STK3: variants seen among roughly 807,000 people sequenced by gnomAD.
STK3 encodes the protein serine/threonine kinase 3, also known as serine/threonine-protein kinase 3.
A neutral mutation model predicts 58.0 loss-of-function variants in STK3; 41 were observed. The ratio of observed to expected loss-of-function variants is 0.71; its 90% CI spans 0.55 to 0.92. STK3 has a LOEUF of 0.92. STK3 is among the 40% of genes least tolerant of loss of function. The pLI, the probability that STK3 is intolerant of heterozygous loss-of-function variation, is 0.00. For missense variants in STK3, 479 were observed against 602.7 expected, an observed-to-expected ratio of 0.79 and a Z score of 2.15; for synonymous variants, 170 against 191.0, an observed-to-expected ratio of 0.89 and a Z score of 0.91.
the STK3 span, among the ~76,000 whole-genome samples, chr8:98,346,752 A>G: frequency 6.6e-6 from 1 of 151,880 alleles, no homozygotes; most frequent in Admixed American, 6.6e-5. Context: ...TTCAGACACA[A>G]AAATCTGAAA....
intron 3 of STK3, among the ~76,000 whole-genome samples, chr8:98,401,965 A>T (rs1817947999): frequency 6.6e-6 from 1 of 152,216 alleles, no homozygotes; most frequent in Non-Finnish European, 1.5e-5. Context: ...AAAAGAAGAA[A>T]GTAAAAATTA....
intron 1 of STK3, among the ~76,000 whole-genome samples, chr8:98,440,976 T>C (rs11986338): frequency 0.93 from 141,678 of 152,260 alleles, 66,014 homozygotes; most frequent in Non-Finnish European, 0.95. Flanking sequence ...TTACCAGGTG[T>C]GGTTTATATA....
chr8:98,772,524 C>T (rs1428574997), intron 2 of STK3, among the ~76,000 whole-genome samples: 2 of 151,926 alleles, frequency 1.3e-5, no homozygotes, highest in Non-Finnish European at 2.9e-5. Flanking sequence ...CATTGTGAAA[C>T]CTCATCTCTA....
At chr8:98,834,261 A>G (rs951304952) in intron 3 of STK3, among the ~76,000 whole-genome samples, 2 of 152,162 alleles carry the variant, frequency 1.3e-5, no homozygotes, top group African/African-American at 2.4e-5. Flanking sequence ...TTAAAATTCT[A>G]CTTATAACTG....
intron 10 of STK3, among the ~76,000 whole-genome samples, chr8:98,471,009 T>C (rs1258733865): frequency 6.6e-6 from 1 of 152,174 alleles, no homozygotes; most frequent in African/African-American, 2.4e-5. Context: ...GCCTTCTGAA[T>C]AGGCAGGTGG....
chr8:98,481,274 G>A (rs1221231423), intron 10 of STK3, among the ~76,000 whole-genome samples: 3 of 151,952 alleles, frequency 2.0e-5, no homozygotes, highest in Non-Finnish European at 4.4e-5. Flanking sequence ...TACCCTAGAT[G>A]TTTAATAAAA....
chr8:98,815,246 G>A (rs1035142129), intron 1 of STK3, among the ~76,000 whole-genome samples: 2 of 152,212 alleles, frequency 1.3e-5, no homozygotes, highest in African/African-American at 4.8e-5. Context: ...TAAATGTGTA[G>A]TGGAGAGACT....
intron 10 of STK3, among the ~76,000 whole-genome samples, chr8:98,519,855 C>T (rs1563693748): frequency 6.6e-6 from 1 of 152,058 alleles, no homozygotes; most frequent in Non-Finnish European, 1.5e-5. Context: ...ACTTACTATT[C>T]AGTATGAGTC....
chr8:98,940,424 A>G (rs1292405022), intron 1 of STK3, among the ~76,000 whole-genome samples: 2 of 152,114 alleles, frequency 1.3e-5, no homozygotes, highest in Non-Finnish European at 2.9e-5. Context: ...GGCCACGGCC[A>G]CGCAACTTGC....
intron 3 of STK3, among the ~76,000 whole-genome samples, chr8:98,762,741 G>A (rs1830708991): frequency 6.6e-6 from 1 of 152,242 alleles, no homozygotes; most frequent in Non-Finnish European, 1.5e-5. Context: ...CAGGAGGGTA[G>A]GGACTATGTC....
chr8:98,892,654 A>G (rs778356913), intron 1 of STK3, among the ~76,000 whole-genome samples: 6 of 152,148 alleles, frequency 3.9e-5, no homozygotes, highest in Non-Finnish European at 5.9e-5. Flanking sequence ...CAAAGACTGC[A>G]TGACCCTAAA....
intron 6 of STK3, among the ~76,000 whole-genome samples, chr8:98,620,713 T>A (rs1363736853): frequency 6.6e-6 from 1 of 151,426 alleles, no homozygotes; most frequent in Non-Finnish European, 1.5e-5. Context: ...ATTTAAAATA[T>A]GAAAAAAGTT....
intron 2 of STK3, among the ~76,000 whole-genome samples, chr8:98,767,924 C>T (rs1485076770): frequency 6.6e-6 from 1 of 152,120 alleles, no homozygotes; most frequent in Non-Finnish European, 1.5e-5. Flanking sequence ...CTTTCATTAC[C>T]TTTTCCTCAA....
intron 10 of STK3, among the ~76,000 whole-genome samples, chr8:98,490,115 G>C: frequency 6.6e-6 from 1 of 152,118 alleles, no homozygotes; most frequent in East Asian, 1.9e-4. Context: ...GCTTAAACTT[G>C]AGGCAAGTTT....
intron 6 of STK3, among the ~76,000 whole-genome samples, chr8:98,681,650 T>C (rs746757414): frequency 1.3e-5 from 2 of 152,204 alleles, no homozygotes; most frequent in African/African-American, 4.8e-5. Context: ...ACTCAAACTA[T>C]ACAGTAATGA....
intron 6 of STK3, among the ~76,000 whole-genome samples, chr8:98,635,332 C>T (rs1368713541): frequency 3.3e-5 from 5 of 152,094 alleles, no homozygotes; most frequent in Non-Finnish European, 5.9e-5. Flanking sequence ...GGGCAATGTA[C>T]TAAGTAGCTT....
chr8:98,665,000 A>C (rs1822232940), intron 6 of STK3, among the ~76,000 whole-genome samples: 1 of 152,196 alleles, frequency 6.6e-6, no homozygotes, highest in Non-Finnish European at 1.5e-5. Context: ...CCACTAGGAC[A>C]CAACATTCTT....
At chr8:98,903,550 CTTCTTCCTTTT>C (rs1262315977) in intron 1 of STK3, among the ~76,000 whole-genome samples, 2 of 18,416 alleles carry the variant, frequency 1.1e-4, no homozygotes, top group African/African-American at 4.6e-4. Flanking sequence ...TCTTCTTCTT[CTTCTTCCTTTT>C]TTTTTTTTTA....
At chr8:98,817,328 C>G (rs948536574) in intron 1 of STK3, among the ~76,000 whole-genome samples, 1 of 152,056 alleles carries the variant, frequency 6.6e-6, no homozygotes, top group Admixed American at 6.6e-5. Context: ...GTGGCACACG[C>G]CCGTAGTCCC....
Sources: gnomAD v4.1 joint callset for allele counts (sites outside exome capture counted in the v4.1 genomes callset) on GRCh38, gnomAD v4.1.1 for gene constraint, MANE v1.5 for transcripts, NCBI Gene and HGNC (gene_info 2026-07-23, HGNC 2026-07-21) for gene names.